The following CHLSN variants were observed in gnomAD, a reference collection of about 807,000 sequenced individuals.
CHLSN encodes protein cholesin.
chr7:1,025,334 G>A, the CHLSN span: 1 of 152,614 alleles, frequency 6.6e-6, no homozygotes, highest in Non-Finnish European at 1.5e-5. Flanking sequence ...GTGGGGGGAG[G>A]ACGAGAAGCA....
chr7:1,032,234 C>T, the CHLSN span, among the ~76,000 whole-genome samples: 3 of 152,206 alleles, frequency 2.0e-5, no homozygotes, highest in Admixed American at 2.0e-4. Context: ...ACTCGGCCCG[C>T]CTGAAAATAA....
chr7:1,013,650 T>C, the CHLSN span, among the ~76,000 whole-genome samples: 1 of 152,128 alleles, frequency 6.6e-6, no homozygotes, highest in Admixed American at 6.5e-5. Flanking sequence ...TCTCCTAACA[T>C]GAAGGCTTTC....
the CHLSN span, chr7:1,093,322 G>A: frequency 4.7e-6 from 2 of 424,440 alleles, no homozygotes; most frequent in African/African-American, 4.1e-5. Context: ...TGGTGGGTCT[G>A]AGCTGGACGT....
At chr7:1,114,582 A>G in the CHLSN span, among the ~76,000 whole-genome samples, 354 of 152,352 alleles carry the variant, frequency 2.3e-3, 2 homozygotes, top group African/African-American at 8.0e-3. Flanking sequence ...CCTGCTCCAC[A>G]GGCCGTGATG....
At chr7:1,100,841 C>T in the CHLSN span, among the ~76,000 whole-genome samples, 506 of 152,340 alleles carry the variant, frequency 3.3e-3, 4 homozygotes, top group African/African-American at 0.012. Flanking sequence ...GACGACACCC[C>T]GAAAGGACAG....
chr7:1,016,484 CACACAGCAGCGCACAGCA>C, the CHLSN span, among the ~76,000 whole-genome samples: 2 of 139,108 alleles, frequency 1.4e-5, no homozygotes, highest in African/African-American at 2.8e-5. Flanking sequence ...AGCACAGCAG[CACACAGCAGCGCACAGCA>C]GCACAGCAGC....
chr7:1,095,811 A>T, the CHLSN span, among the ~76,000 whole-genome samples: 1 of 152,218 alleles, frequency 6.6e-6, no homozygotes, highest in Admixed American at 6.5e-5. Flanking sequence ...GCACTCGGCA[A>T]CCCCTGGCGT....
At chr7:1,081,712 G>A in the CHLSN span, among the ~76,000 whole-genome samples, 1 of 149,426 alleles carries the variant, frequency 6.7e-6, no homozygotes, top group Non-Finnish European at 1.5e-5. Flanking sequence ...CTGGGGGAGG[G>A]ACAGGGAGGC....
the CHLSN span, among the ~76,000 whole-genome samples, chr7:984,067 C>G: frequency 9.2e-5 from 14 of 152,348 alleles, no homozygotes; most frequent in African/African-American, 3.1e-4. Context: ...GGCCCTCACT[C>G]TGTGCAGACT....
At chr7:1,117,885 G>A in the CHLSN span, among the ~76,000 whole-genome samples, 1 of 152,190 alleles carries the variant, frequency 6.6e-6, no homozygotes, top group South Asian at 2.1e-4. Flanking sequence ...CATTGCCCAG[G>A]CTGGCCCTGA....
chr7:1,054,066 C>G, the CHLSN span, among the ~76,000 whole-genome samples: 1 of 152,192 alleles, frequency 6.6e-6, no homozygotes, highest in African/African-American at 2.4e-5. Context: ...CCTCTCAGCC[C>G]AGCTCCTGAC....
chr7:1,036,423 G>C, the CHLSN span, among the ~76,000 whole-genome samples: 10 of 149,762 alleles, frequency 6.7e-5, no homozygotes, highest in African/African-American at 2.5e-4. Context: ...GGGTGCTCGT[G>C]GTGTGGCCGT....
At chr7:1,137,672 G>C in the CHLSN span, 1 of 152,148 alleles carries the variant, frequency 6.6e-6, no homozygotes, top group Non-Finnish European at 1.5e-5. Flanking sequence ...TCCGGGTGTG[G>C]TGGCGCGCGC....
At chr7:1,119,964 A>G in the CHLSN span, among the ~76,000 whole-genome samples, 1 of 152,176 alleles carries the variant, frequency 6.6e-6, no homozygotes, top group South Asian at 2.1e-4. Context: ...TTAGATCCCT[A>G]TCACACATAA....
At chr7:1,101,614 C>T in the CHLSN span, among the ~76,000 whole-genome samples, 2 of 152,364 alleles carry the variant, frequency 1.3e-5, no homozygotes, top group East Asian at 1.9e-4. Context: ...AGCCTCCGCG[C>T]AGCCGCCCAG....
chr7:1,135,949 A>G, the CHLSN span, among the ~76,000 whole-genome samples: 2 of 87,266 alleles, frequency 2.3e-5, no homozygotes, highest in South Asian at 2.8e-4. Flanking sequence ...GTATATATAA[A>G]TATATATAAA....
At chr7:1,020,851 G>A in the CHLSN span, among the ~76,000 whole-genome samples, 2 of 152,190 alleles carry the variant, frequency 1.3e-5, no homozygotes, top group East Asian at 1.9e-4. Context: ...AGGACCCCTC[G>A]ACTTTCTTGG....
the CHLSN span, among the ~76,000 whole-genome samples, chr7:1,105,728 C>A: frequency 6.6e-6 from 1 of 152,248 alleles, no homozygotes; most frequent in African/African-American, 2.4e-5. Context: ...AATTCTCCTG[C>A]CTCAGCCTCC....
At chr7:1,051,391 A>C in the CHLSN span, among the ~76,000 whole-genome samples, 1 of 152,234 alleles carries the variant, frequency 6.6e-6, no homozygotes, top group African/African-American at 2.4e-5. Flanking sequence ...TAAGGGGTGC[A>C]GCAGTTTCCC....
Sources: allele counts gnomAD v4.1 joint callset (sites outside exome capture counted in the v4.1 genomes callset), GRCh38; gene constraint gnomAD v4.1.1; transcripts MANE v1.5; gene names NCBI Gene and HGNC (gene_info 2026-07-23, HGNC 2026-07-21).